ZNF710: variants seen among roughly 807,000 people sequenced by gnomAD.
ZNF710 encodes zinc finger protein 710.
A neutral mutation model predicts 50.6 loss-of-function variants in ZNF710; 13 were observed. That is an observed-to-expected ratio of 0.26 (90% CI 0.17 to 0.41). ZNF710 has a LOEUF of 0.41. ZNF710 is among the 10% of genes least tolerant of loss of function. ZNF710 has a pLI of 1.00. For missense variants in ZNF710, 721 were observed against 936.6 expected (o/e 0.77, Z 3.01); for synonymous variants, 383 against 397.0 (o/e 0.96, Z 0.42).
upstream of ZNF710, among the ~76,000 whole-genome samples, chr15:90,001,161 C>G (rs532982137): frequency 2.6e-5 from 4 of 151,782 alleles, no homozygotes; most frequent in South Asian, 8.3e-4. Flanking sequence ...GCTTTCAATT[C>G]GAGTGGGAGA....
At chr15:90,005,205 C>G (rs1898109177) in intron 1 of ZNF710, among the ~76,000 whole-genome samples, 1 of 152,074 alleles carries the variant, frequency 6.6e-6, no homozygotes, top group Non-Finnish European at 1.5e-5. Context: ...CTATAGTGGG[C>G]CCTCAGTAGA....
chr15:90,009,553 CTTCCCTGGTCCAT>C (rs1898242786), intron 1 of ZNF710, among the ~76,000 whole-genome samples: 2 of 152,100 alleles, frequency 1.3e-5, no homozygotes, highest in South Asian at 4.1e-4. Context: ...TCTGTGCCCA[CTTCCCTGGTCCAT>C]TCCCCATGTG....
Position 90,012,446 on chromosome 15 carries a change from A to G in ZNF710, c.-29+10832A>G, listed in dbSNP as rs527332485. ...CCACCACACCTGGCTGATTTTTTGT[A>G]TTTTTAGTAGAGACGGGGTTTCACC... On this transcript the variant is annotated intron_variant, in intron 1 of 4. Coordinates refer to ENST00000268154, the MANE Select transcript of ZNF710 (RefSeq NM_198526.4). Among the ~76,000 whole-genome samples, 271 of 151,750 alleles carry G rather than the reference A, an allele frequency of 1.8e-3. 1 individual carries two copies. Among genetic ancestry groups the G allele is most frequent in the African/African-American group, 6.4e-3 (265 of 41,404 alleles).
At chr15:90,012,100 G>A (rs1898320565) in intron 1 of ZNF710, among the ~76,000 whole-genome samples, 1 of 151,986 alleles carries the variant, frequency 6.6e-6, no homozygotes, top group Non-Finnish European at 1.5e-5. Context: ...AGCTACTCGG[G>A]AGGCTGAGGC....
intron 1 of ZNF710, among the ~76,000 whole-genome samples, chr15:90,051,033 G>T (rs36048450): frequency 6.6e-6 from 1 of 151,796 alleles, no homozygotes. Flanking sequence ...GAGGTCAGGA[G>T]TTGGAGACCA....
chr15:90,013,866 A>G (rs1305529805), intron 1 of ZNF710, among the ~76,000 whole-genome samples: 1 of 152,132 alleles, frequency 6.6e-6, no homozygotes, highest in Non-Finnish European at 1.5e-5. Context: ...CACAGCGTTC[A>G]CAGGCCACTG....
At chr15:90,051,772 G>A (rs902442844) in intron 1 of ZNF710, among the ~76,000 whole-genome samples, 6 of 152,104 alleles carry the variant, frequency 3.9e-5, no homozygotes, top group Non-Finnish European at 5.9e-5. Flanking sequence ...CTGTAAATAC[G>A]TTTTGTTGTC....
rs531698685 is a variant in ZNF710 at position 90,058,093 on chromosome 15, AC to A, written c.-28-9014del. On this transcript the variant is annotated intron_variant, in intron 1 of 4. Transcript: ENST00000268154. Reference sequence around the variant, plus strand: ...TGGCTCCCAGGTCAGGTGTAGGTGCACCCGGGCCTGGGGAATGGATCAAGAG... The same window carrying A: ...TGGCTCCCAGGTCAGGTGTAGGTGCACCGGGCCTGGGGAATGGATCAAGAG... 3.9e-4 allele frequency among the ~76,000 whole-genome samples: 59 copies of A among 152,044 alleles called. No homozygotes were observed. The East Asian group carries it at 9.7e-3, about 25-fold the overall frequency.
chr15:90,030,676 A>G (rs1032073538), intron 1 of ZNF710, among the ~76,000 whole-genome samples: 1 of 152,034 alleles, frequency 6.6e-6, no homozygotes, highest in East Asian at 1.9e-4. Flanking sequence ...TATGCCCAGT[A>G]GGAAAGAGCT....
intron 3 of ZNF710, among the ~76,000 whole-genome samples, 177 bp from the exon 4 acceptor site, chr15:90,073,939 G>A (rs1341514416): frequency 5.6e-5 from 8 of 142,728 alleles, no homozygotes; most frequent in African/African-American, 1.0e-4. Context: ...GCAGTGAGCC[G>A]AGATCATGCC....
intron 1 of ZNF710, among the ~76,000 whole-genome samples, chr15:90,022,594 C>T (rs768321305): frequency 2.0e-5 from 3 of 152,106 alleles, no homozygotes; most frequent in Admixed American, 6.5e-5. Context: ...AACACTATGG[C>T]GGATCACTCT....
chr15:90,037,685 T>C (rs1232997502), intron 1 of ZNF710, among the ~76,000 whole-genome samples: 1 of 152,168 alleles, frequency 6.6e-6, no homozygotes, highest in Non-Finnish European at 1.5e-5. Context: ...CATGCCACAA[T>C]TATGAGAGCA....
At chr15:90,036,745 C>T (rs193201818) in intron 1 of ZNF710, among the ~76,000 whole-genome samples, 8 of 152,308 alleles carry the variant, frequency 5.3e-5, no homozygotes, top group Non-Finnish European at 7.4e-5. Context: ...CCTCTTCACA[C>T]AGGAACCAGA....
intron 2 of ZNF710, 76 bp from the exon 3 acceptor site, chr15:90,072,995 C>T (rs554580471): frequency 6.6e-6 from 10 of 1,503,868 alleles, no homozygotes; most frequent in African/African-American, 4.1e-5. Flanking sequence ...CCTGCCCCTA[C>T]CCGGCTCCCC....
At chr15:90,073,031 G>C (rs1900445889) in intron 2 of ZNF710, 40 bp from the exon 3 acceptor site, 4 of 1,593,130 alleles carry the variant, frequency 2.5e-6, no homozygotes, top group African/African-American at 1.3e-5. Context: ...CAGAGGCTGT[G>C]CCCATTGTGT....
Position 90,001,603 on chromosome 15 carries a change from C to T in ZNF710, c.-40C>T, listed in dbSNP as rs1898011597. Reference sequence around the variant, plus strand: ...CGAGGGCCCCAGCGCAGGAGCCGCGCCCGGACCCAGGGTGAGTGTCCCGCG... The same window carrying T: ...CGAGGGCCCCAGCGCAGGAGCCGCGTCCGGACCCAGGGTGAGTGTCCCGCG... On this transcript the variant is annotated 5_prime_UTR_variant, in exon 1 of 5. Coordinates refer to ENST00000268154, the MANE Select transcript of ZNF710 (RefSeq NM_198526.4). 1 of 145,264 alleles carries T rather than the reference C, an allele frequency of 6.9e-6. No homozygotes were observed. Among genetic ancestry groups the T allele is most frequent in the Non-Finnish European group, 1.5e-5 (1 of 65,210 alleles). 9.0% of individuals were successfully genotyped at this position (145,264 alleles called of 1,614,324 possible).
chr15:90,032,797 A>G (rs887682508), intron 1 of ZNF710, among the ~76,000 whole-genome samples: 2 of 147,772 alleles, frequency 1.4e-5, no homozygotes, highest in East Asian at 3.9e-4. Flanking sequence ...AAAAAAAAGA[A>G]TGTGTGTTTG....
At chr15:90,049,308 G>T (rs906917078) in intron 1 of ZNF710, among the ~76,000 whole-genome samples, 1 of 152,150 alleles carries the variant, frequency 6.6e-6, no homozygotes, top group Admixed American at 6.5e-5. Context: ...AGGTGGCCAG[G>T]CCAATTCTAG....
Position 90,054,893 on chromosome 15 carries a change from G to A in ZNF710, c.-28-12217G>A, listed in dbSNP as rs1290862002. On this transcript the variant is annotated intron_variant, in intron 1 of 4. Coordinates refer to ENST00000268154, the MANE Select transcript of ZNF710 (RefSeq NM_198526.4). The stretch of plus-strand genomic sequence containing the variant: ...GAACAGGAACTGGCCATAAAGCTCA[G>A]GGAAAAGAGGCGGGCAGGGTCTATC... Among the ~76,000 whole-genome samples, 20 of 152,206 alleles carry A rather than the reference G, an allele frequency of 1.3e-4. 1 individual carries two copies. Among genetic ancestry groups the A allele is most frequent in the African/African-American group, 4.8e-4 (20 of 41,454 alleles).
Sources: allele counts gnomAD v4.1 joint callset (sites outside exome capture counted in the v4.1 genomes callset), GRCh38; gene constraint gnomAD v4.1.1; transcripts MANE v1.5; gene names NCBI Gene and HGNC (gene_info 2026-07-23, HGNC 2026-07-21).